The following TBXAS1 variants were observed in gnomAD, a reference collection of about 807,000 sequenced individuals.
The protein encoded by TBXAS1 is thromboxane-A synthase.
In TBXAS1, 48 loss-of-function variants were observed where a neutral mutation model predicts 60.7. The ratio of observed to expected loss-of-function variants is 0.79; its 90% CI spans 0.63 to 1.01. The LOEUF is 1.01. Among genes scored for constraint, TBXAS1 ranks in the 50% least tolerant of loss-of-function variants. The pLI is 0.00. For synonymous variants in TBXAS1, 287 were observed against 269.7 expected, an observed-to-expected ratio of 1.06 and a Z score of -0.63; for missense variants, 685 against 686.3, an observed-to-expected ratio of 1.00 and a Z score of 0.02.
chr7:139,886,972 CT>C (rs1179863795), intron 3 of TBXAS1, among the ~76,000 whole-genome samples: 1 of 152,180 alleles, frequency 6.6e-6, no homozygotes, highest in Non-Finnish European at 1.5e-5. Flanking sequence ...CACAAGGATG[CT>C]TTATCTCCAA....
chr7:139,979,837 T>A (rs572544482), intron 9 of TBXAS1, among the ~76,000 whole-genome samples: 60 of 151,810 alleles, frequency 4.0e-4, no homozygotes, highest in Admixed American at 1.4e-3. Context: ...GGGTTTTTTT[T>A]ATGTAACATT....
intron 1 of TBXAS1, among the ~76,000 whole-genome samples, chr7:139,851,501 C>G (rs535840041): frequency 6.6e-6 from 1 of 152,308 alleles, no homozygotes; most frequent in East Asian, 1.9e-4. Flanking sequence ...CCATTTTTAT[C>G]CACCCCAGGG....
At chr7:139,815,215 C>T (rs911482463) in intron 4 of TBXAS1, among the ~76,000 whole-genome samples, 2 of 152,158 alleles carry the variant, frequency 1.3e-5, no homozygotes, top group Admixed American at 1.3e-4. Flanking sequence ...AGGAGAAGCA[C>T]AGGCATCAGG....
At chr7:139,871,416 G>A (rs1801816259) in intron 1 of TBXAS1, among the ~76,000 whole-genome samples, 1 of 152,172 alleles carries the variant, frequency 6.6e-6, no homozygotes, top group Non-Finnish European at 1.5e-5. Context: ...TTGGCTGCTG[G>A]TTAGGGATCA....
In TBXAS1 at chr7:139,916,849, C is replaced by T. The variant is rs1440462478; in HGVS notation, c.333+5528C>T. On this transcript the variant is annotated intron_variant, in intron 4 of 12. Coordinates refer to ENST00000448866, the MANE Select transcript of TBXAS1 (RefSeq NM_001061.7). This position sits in a 1 kb window ranked among gnomAD's most constrained non-coding sequence, Gnocchi z 4.2. ...GGGGCCACAGGGACCCGCCTGCTGG[C>T]ATCCATTGAGGAGAGAGGGGCCCTT... 6.6e-6 allele frequency among the ~76,000 whole-genome samples: 1 copy of T among 152,244 alleles called. No homozygotes were observed. The highest frequency in any genetic ancestry group is 6.5e-5 in the Admixed American group (1 of 15,286).
chr7:139,858,359 G>A (rs1413117856), intron 1 of TBXAS1, among the ~76,000 whole-genome samples: 1 of 152,120 alleles, frequency 6.6e-6, no homozygotes, highest in Non-Finnish European at 1.5e-5. Flanking sequence ...TAACTTTGGG[G>A]GACATAATAA....
intron 3 of TBXAS1, among the ~76,000 whole-genome samples, chr7:139,884,331 A>G (rs1802916429): frequency 6.6e-6 from 1 of 152,382 alleles, no homozygotes; most frequent in South Asian, 2.1e-4. Context: ...AGAAGCTAAC[A>G]CAAATATATT....
chr7:139,958,271 G>C lies in TBXAS1; in HGVS notation c.819+507G>C, dbSNP rs558232848. Among the ~76,000 whole-genome samples, 3 of 152,200 alleles carry C rather than the reference G, an allele frequency of 2.0e-5. 1 individual carries two copies. In the South Asian group the frequency reaches 6.2e-4, roughly 32 times the overall value. On this transcript the variant is annotated intron_variant, in intron 8 of 12. Coordinates refer to ENST00000448866, the MANE Select transcript of TBXAS1 (RefSeq NM_001061.7). The stretch of plus-strand genomic sequence containing the variant: ...TGTCGCTACAGAACTCGTGGTTGAG[G>C]GCCCCCTGGACTCCTTGGCACGATT...
chr7:139,991,129 C>A (rs775552680), intron 9 of TBXAS1, among the ~76,000 whole-genome samples: 14 of 152,190 alleles, frequency 9.2e-5, no homozygotes, highest in Non-Finnish European at 1.9e-4. Flanking sequence ...AATAAAACGG[C>A]ACTAAATGGC....
intron 5 of TBXAS1, among the ~76,000 whole-genome samples, chr7:139,950,654 G>A (rs893566863): frequency 6.6e-6 from 1 of 151,286 alleles, no homozygotes; most frequent in Non-Finnish European, 1.5e-5. Flanking sequence ...TTGATCTACA[G>A]GACTCCCTCA....
In TBXAS1 at chr7:139,955,578, G is replaced by A. The variant is rs773799620; in HGVS notation, c.659G>A (p.Cys220Tyr). ...VKHCKRFFEF[C>Y]IPRPILVLLL... ...CACTGCAAGCGTTTCTTCGAATTCT[G>A]CATCCCCAGACCTATCCTGGTTTTA... Residue 220 changes from cysteine (C) to tyrosine (Y), a missense_variant, in exon 7 of 13, where the codon TGC (cysteine) becomes TAC (tyrosine). Cys to Tyr is a radical substitution (Grantham distance 194). Transcript: ENST00000448866. The A allele has an allele frequency of 1.2e-6, 2 of 1,614,194 alleles. No individual in the cohort carries two copies. Among genetic ancestry groups the A allele is most frequent in the Non-Finnish European group, 1.7e-6 (2 of 1,180,042 alleles).
chr7:139,789,977 C>G (rs1357174026), intron 4 of TBXAS1, among the ~76,000 whole-genome samples: 1 of 152,142 alleles, frequency 6.6e-6, no homozygotes, highest in Non-Finnish European at 1.5e-5. Context: ...ACACGGAGTC[C>G]TAGGTCAATG....
intron 3 of TBXAS1, among the ~76,000 whole-genome samples, chr7:139,901,326 C>CA (rs8192825): frequency 0.48 from 58,506 of 123,122 alleles, 12,111 homozygotes; most frequent in Middle Eastern, 0.58. Flanking sequence ...AATATTACTA[C>CA]AAAAAAAAAA....
At position 139,852,046 on chromosome 7, in the gene TBXAS1, T is replaced by C. The variant is rs890342053; in HGVS notation, c.90-20189T>C. 2.6e-4 allele frequency among the ~76,000 whole-genome samples: 40 copies of C among 152,336 alleles called. No homozygotes were observed. The highest frequency in any genetic ancestry group is 8.4e-4 in the African/African-American group (35 of 41,562). ...GAGCAGCCCTATAGGGAGAGGCTCA[T>C]ATGGCAAAGCCAGCTACAGCTCCAT... On this transcript the variant is annotated intron_variant, in intron 1 of 12. Transcript: ENST00000448866. The surrounding 1 kb of genome is among the most constrained non-coding windows in gnomAD (Gnocchi z 4.4).
At chr7:139,807,830 A>G (rs1386808765) in intron 4 of TBXAS1, among the ~76,000 whole-genome samples, 1 of 151,684 alleles carries the variant, frequency 6.6e-6, no homozygotes, top group Non-Finnish European at 1.5e-5. Flanking sequence ...TTTATTTTCC[A>G]TGGCCTTGCC....
intron 9 of TBXAS1, among the ~76,000 whole-genome samples, chr7:140,006,022 C>T (rs17161337): frequency 0.095 from 14,497 of 152,260 alleles, 1,234 homozygotes; most frequent in African/African-American, 0.24. Context: ...CCCCTGCAGA[C>T]GGAGGAACTA....
At chr7:139,859,100 C>T (rs1800785080) in intron 1 of TBXAS1, among the ~76,000 whole-genome samples, 1 of 152,158 alleles carries the variant, frequency 6.6e-6, no homozygotes, top group Admixed American at 6.5e-5. Flanking sequence ...GTCTCAAACT[C>T]CCAACCTCAG....
At chr7:140,001,707 C>T (rs1813687604) in intron 9 of TBXAS1, among the ~76,000 whole-genome samples, 1 of 152,116 alleles carries the variant, frequency 6.6e-6, no homozygotes, top group South Asian at 2.1e-4. Context: ...GAATTCTTTT[C>T]TAAACATGAC....
At chr7:139,875,249 G>A (rs1191257836) in intron 2 of TBXAS1, among the ~76,000 whole-genome samples, 1 of 152,188 alleles carries the variant, frequency 6.6e-6, no homozygotes, top group Non-Finnish European at 1.5e-5. Flanking sequence ...GTTACATATA[G>A]TGGCAGTAAA....
Sources: gnomAD v4.1 joint callset for allele counts (sites outside exome capture counted in the v4.1 genomes callset) on GRCh38, gnomAD v4.1.1 for gene constraint, Gnocchi (gnomAD v3.1) non-coding constraint, MANE v1.5 for transcripts, NCBI Gene and HGNC (gene_info 2026-07-23, HGNC 2026-07-21) for gene names.